The following BRINP3 variants were observed in gnomAD, a reference collection of about 807,000 sequenced individuals.
The protein encoded by BRINP3 is BMP/retinoic acid inducible neural specific 3, also known as BMP/retinoic acid-inducible neural-specific protein 3.
A neutral mutation model predicts 71.0 loss-of-function variants in BRINP3; 19 were observed. That is an observed-to-expected ratio of 0.27 (90% CI 0.19 to 0.39). The LOEUF (loss-of-function observed/expected upper bound fraction) is 0.39. Among genes scored for constraint, BRINP3 ranks in the 10% least tolerant of loss-of-function variants. The pLI, the probability that BRINP3 is intolerant of heterozygous loss-of-function variation, is 1.00. For missense variants in BRINP3, 959 were observed against 940.8 expected, an observed-to-expected ratio of 1.02 and a Z score of -0.25; for synonymous variants, 380 against 337.7, an observed-to-expected ratio of 1.13 and a Z score of -1.37.
intron 2 of BRINP3, among the ~76,000 whole-genome samples, chr1:190,405,416 A>G (rs1672201614): frequency 7.7e-6 from 1 of 130,406 alleles, no homozygotes; most frequent in Non-Finnish European, 1.6e-5. Flanking sequence ...ATGCCACTGC[A>G]CTCCAGCCTG....
At chr1:190,204,265 T>C (rs748711086) in intron 6 of BRINP3, among the ~76,000 whole-genome samples, 5 of 151,874 alleles carry the variant, frequency 3.3e-5, no homozygotes, top group African/African-American at 4.8e-5. Flanking sequence ...GGAGTGTCTG[T>C]AAACTTTAAG....
intron 7 of BRINP3, among the ~76,000 whole-genome samples, chr1:190,147,081 A>AG: frequency 6.6e-6 from 1 of 152,106 alleles, no homozygotes; most frequent in Middle Eastern, 3.4e-3. Flanking sequence ...GCGTATTGGT[A>AG]GGCTATTCAT....
chr1:190,303,571 GC>G (rs1664882161), intron 2 of BRINP3, among the ~76,000 whole-genome samples: 1 of 151,664 alleles, frequency 6.6e-6, no homozygotes, highest in South Asian at 2.1e-4. Context: ...TAATAAAATT[GC>G]AATTAAGTAT....
chr1:190,187,950 A>C (rs1653684893), intron 6 of BRINP3, among the ~76,000 whole-genome samples: 1 of 151,842 alleles, frequency 6.6e-6, no homozygotes, highest in South Asian at 2.1e-4. Flanking sequence ...ATTGGATTTA[A>C]TCTATAGATT....
At chr1:190,114,361 T>C (rs1478565744) in intron 7 of BRINP3, among the ~76,000 whole-genome samples, 3 of 152,086 alleles carry the variant, frequency 2.0e-5, no homozygotes, top group Non-Finnish European at 2.9e-5. Context: ...GTCTCAGGTA[T>C]TTATAATAAT....
intron 2 of BRINP3, among the ~76,000 whole-genome samples, chr1:190,330,770 T>C (rs931387910): frequency 1.3e-5 from 2 of 152,044 alleles, no homozygotes; most frequent in African/African-American, 4.8e-5. Flanking sequence ...TTATGTGGTA[T>C]ATGCAAACCA....
At position 190,239,564 on chromosome 1, in the gene BRINP3, T is replaced by A. The variant is rs529041763; in HGVS notation, c.619-5087A>T. Reference sequence around the variant, plus strand: ...TATGTTCTAGAAATATCCTATTTTTTAATCTAGGACATGGTTGCTGAAATG... The same window carrying A: ...TATGTTCTAGAAATATCCTATTTTTAAATCTAGGACATGGTTGCTGAAATG... On this transcript the variant is annotated intron_variant, in intron 4 of 7. Transcript: ENST00000367462. Among the ~76,000 whole-genome samples, 12 of 152,260 alleles carry A rather than the reference T, an allele frequency of 7.9e-5. No individual in the cohort carries two copies. In the East Asian group the frequency reaches 1.7e-3, roughly 22 times the overall value.
chr1:190,322,229 A>G (rs1315675819), intron 2 of BRINP3, among the ~76,000 whole-genome samples: 1 of 152,010 alleles, frequency 6.6e-6, no homozygotes, highest in East Asian at 1.9e-4. Context: ...CTCTAGAGAC[A>G]AGTTCAGGAA....
intron 7 of BRINP3, among the ~76,000 whole-genome samples, chr1:190,128,799 A>G (rs991783544): frequency 6.6e-6 from 1 of 151,820 alleles, no homozygotes; most frequent in African/African-American, 2.4e-5. Flanking sequence ...ATATGTGATG[A>G]AAAGGGATAT....
At chr1:190,215,816 G>A (rs1244626493) in intron 6 of BRINP3, among the ~76,000 whole-genome samples, 1 of 151,856 alleles carries the variant, frequency 6.6e-6, no homozygotes, top group Non-Finnish European at 1.5e-5. Flanking sequence ...AAAGACATAT[G>A]TTGACAGCAT....
intron 2 of BRINP3, among the ~76,000 whole-genome samples, chr1:190,314,361 TG>T (rs1011670694): frequency 2.6e-5 from 4 of 152,090 alleles, no homozygotes; most frequent in Non-Finnish European, 5.9e-5. Context: ...ATGAATGTCT[TG>T]GGTTACGGGA....
At chr1:190,131,241 G>A (rs1654519994) in intron 7 of BRINP3, among the ~76,000 whole-genome samples, 1 of 151,598 alleles carries the variant, frequency 6.6e-6, no homozygotes, top group Admixed American at 6.6e-5. Flanking sequence ...CAAAAGCTGT[G>A]TACAAAGCCT....
intron 6 of BRINP3, among the ~76,000 whole-genome samples, chr1:190,205,637 T>C (rs758553473): frequency 2.3e-4 from 35 of 151,974 alleles, no homozygotes; most frequent in Non-Finnish European, 3.8e-4. Context: ...TCTAAGAAAA[T>C]GTGTAAGAAA....
chr1:190,452,488 C>T (rs1016918758), intron 2 of BRINP3, among the ~76,000 whole-genome samples: 1 of 152,204 alleles, frequency 6.6e-6, no homozygotes, highest in African/African-American at 2.4e-5. Context: ...AAACAAACCT[C>T]AGAGCACTTT....
chr1:190,195,219 A>G (rs1654373487), intron 6 of BRINP3, among the ~76,000 whole-genome samples: 1 of 152,106 alleles, frequency 6.6e-6, no homozygotes, highest in South Asian at 2.1e-4. Flanking sequence ...TTTTGGTTAC[A>G]TCTATAAAGT....
At chr1:190,212,044 T>C (rs1656033644) in intron 6 of BRINP3, among the ~76,000 whole-genome samples, 1 of 152,064 alleles carries the variant, frequency 6.6e-6, no homozygotes, top group Non-Finnish European at 1.5e-5. Context: ...TCACAATAAA[T>C]TAAAACCATA....
intron 1 of BRINP3, among the ~76,000 whole-genome samples, chr1:190,467,811 A>T (rs1028516470): frequency 4.0e-5 from 6 of 151,594 alleles, no homozygotes; most frequent in African/African-American, 1.4e-4. Context: ...AACCATTTTT[A>T]AAATTTAAAA....
chr1:190,266,486 A>T (rs1027588172), intron 3 of BRINP3, among the ~76,000 whole-genome samples: 2 of 152,198 alleles, frequency 1.3e-5, no homozygotes, highest in Non-Finnish European at 2.9e-5. Flanking sequence ...GAAAAAACAT[A>T]TATCTCAAGA....
chr1:190,193,523 C>A, intron 6 of BRINP3, among the ~76,000 whole-genome samples: 1 of 152,034 alleles, frequency 6.6e-6, no homozygotes, highest in Non-Finnish European at 1.5e-5. Flanking sequence ...CCAAAAAATA[C>A]ATGTACTAAT....
Sources: allele counts gnomAD v4.1 joint callset (sites outside exome capture counted in the v4.1 genomes callset), GRCh38; gene constraint gnomAD v4.1.1; transcripts MANE v1.5; gene names NCBI Gene and HGNC (gene_info 2026-07-23, HGNC 2026-07-21).